RASGEF1C: variants seen among roughly 807,000 people sequenced by gnomAD.
The protein encoded by RASGEF1C is RasGEF domain family member 1C.
RASGEF1C carries 27 observed loss-of-function variants against 58.1 expected under a neutral mutation model. The ratio of observed to expected loss-of-function variants is 0.46; its 90% CI spans 0.34 to 0.64. The LOEUF (loss-of-function observed/expected upper bound fraction) is 0.64. Ranked by LOEUF, RASGEF1C falls within the 30% of genes least tolerant of loss-of-function variation. The probability of loss-of-function intolerance (pLI) is 0.01; values close to 1 mark genes in which losing one functional copy is unlikely to be tolerated. For missense variants in RASGEF1C, 502 were observed against 605.1 expected (o/e 0.83, Z 1.79); for synonymous variants, 243 against 246.3 (o/e 0.99, Z 0.13).
In RASGEF1C at chr5:180,158,027, G is replaced by A. The variant is rs143061386; in HGVS notation, c.-6-19969C>T. Among the ~76,000 whole-genome samples the A allele has an allele frequency of 0.016, 2,411 of 152,290 alleles. 36 individuals carry two copies. The highest frequency in any genetic ancestry group is 0.018 in the Non-Finnish European group (1,191 of 68,024). ...ACATACCATTCTGGTGGGTGACGTC[G>A]ATAATGGGGGAGGCTCTGCATGTGT... On this transcript the variant is annotated intron_variant, in intron 1 of 13. Transcript: ENST00000361132. This position sits in a 1 kb window ranked among gnomAD's most constrained non-coding sequence, Gnocchi z 4.0.
intron 10 of RASGEF1C, among the ~76,000 whole-genome samples, chr5:180,117,873 A>G (rs1304367573): frequency 2.0e-5 from 3 of 152,026 alleles, no homozygotes; most frequent in African/African-American, 4.8e-5. Context: ...ATGTGCCTAT[A>G]ATCCCAGCTA....
intron 1 of RASGEF1C, among the ~76,000 whole-genome samples, chr5:180,190,903 G>A (rs1262482889): frequency 6.6e-6 from 1 of 151,994 alleles, no homozygotes; most frequent in Non-Finnish European, 1.5e-5. Flanking sequence ...GTATTGGGTG[G>A]AAAATTTATA....
chr5:180,111,536 C>G lies in RASGEF1C; in HGVS notation c.1224G>C (p.Trp408Cys), dbSNP rs745910884. Residue 408 changes from tryptophan to cysteine, a missense_variant, in exon 12 of 14, where the codon TGG becomes TGC. By Grantham distance (215) the Trp-to-Cys change is radical. Coordinates refer to ENST00000361132, the MANE Select transcript of RASGEF1C (RefSeq NM_175062.4). ...GCTCGAAGGGACACTCCACTTGTTT[C>G]CAGGTGATGAACTCCCCCACCTGCT... ...LAKQVGEFIT[W>C]KQVECPFEQD... The G allele has an allele frequency of 1.2e-6, 2 of 1,614,010 alleles. No individual in the cohort carries two copies. Among genetic ancestry groups the G allele is most frequent in the Admixed American group, 3.3e-5 (2 of 60,024 alleles).
chr5:180,186,159 A>G (rs769658650), intron 1 of RASGEF1C, among the ~76,000 whole-genome samples: 3 of 151,680 alleles, frequency 2.0e-5, no homozygotes, highest in Non-Finnish European at 4.4e-5. Context: ...GCTATTCAAC[A>G]TTGTACTAGG....
intron 1 of RASGEF1C, among the ~76,000 whole-genome samples, chr5:180,180,716 G>A (rs1767311239): frequency 6.6e-6 from 1 of 152,210 alleles, no homozygotes; most frequent in Non-Finnish European, 1.5e-5. Flanking sequence ...CATGGCTGTG[G>A]TTGTGTTGTT....
chr5:180,196,522 AAAAAAG>A (rs1428526665), intron 1 of RASGEF1C, among the ~76,000 whole-genome samples: 3 of 152,118 alleles, frequency 2.0e-5, no homozygotes, highest in Non-Finnish European at 1.5e-5. Context: ...AAAGAAAAAA[AAAAAAG>A]AAATAGTATT....
chr5:180,169,795 C>T (rs1581117691), intron 1 of RASGEF1C, among the ~76,000 whole-genome samples: 1 of 111,766 alleles, frequency 8.9e-6, no homozygotes, highest in African/African-American at 2.7e-5. Context: ...ACCCCCCGAC[C>T]CCATGGGGCT....
At chr5:180,180,815 C>T (rs920423915) in intron 1 of RASGEF1C, among the ~76,000 whole-genome samples, 1 of 152,230 alleles carries the variant, frequency 6.6e-6, no homozygotes, top group Admixed American at 6.5e-5. Context: ...TGAACCAGGC[C>T]ACCAGCACCC....
At chr5:180,191,747 G>A (rs970310888) in intron 1 of RASGEF1C, among the ~76,000 whole-genome samples, 5 of 152,168 alleles carry the variant, frequency 3.3e-5, no homozygotes, top group African/African-American at 9.7e-5. Context: ...TCTTACTGCC[G>A]TGTAACAAGT....
At chr5:180,181,550 G>A (rs1767326368) in intron 1 of RASGEF1C, among the ~76,000 whole-genome samples, 1 of 152,194 alleles carries the variant, frequency 6.6e-6, no homozygotes, top group Admixed American at 6.5e-5. Context: ...CACACAGGAA[G>A]AGCACCATGT....
chr5:180,163,212 T>G (rs183976061), intron 1 of RASGEF1C, among the ~76,000 whole-genome samples: 20 of 131,374 alleles, frequency 1.5e-4, no homozygotes, highest in Admixed American at 1.2e-3. Context: ...AGGCTTCCCT[T>G]CCTCTCACCA....
In RASGEF1C at chr5:180,101,356, G is replaced by C. The variant is rs992041846; in HGVS notation, c.*145C>G. 19 of 888,842 alleles carry C rather than the reference G, an allele frequency of 2.1e-5. 1 individual carries two copies. In the African/African-American group the frequency reaches 2.5e-4, roughly 12 times the overall value. 55.1% of individuals were successfully genotyped at this position (888,842 alleles called of 1,614,324 possible). ...CTGTGCCCGTATGGCCACTGTGGGGGGGGGGGGGGCGGGCAGCAGGCCACA... is the reference window on the plus strand; with the variant it reads ...CTGTGCCCGTATGGCCACTGTGGGGCGGGGGGGGGCGGGCAGCAGGCCACA... On this transcript the variant is annotated 3_prime_UTR_variant, in exon 14 of 14. Transcript: ENST00000361132.
chr5:180,127,318 C>T (rs1392800271), intron 6 of RASGEF1C, among the ~76,000 whole-genome samples: 1 of 152,178 alleles, frequency 6.6e-6, no homozygotes, highest in East Asian at 1.9e-4. Context: ...AGGGTCCTGG[C>T]CCACCCGAGC....
rs1766885432 is a variant in RASGEF1C at position 180,158,608 on chromosome 5, G to C, written c.-6-20550C>G. ...GTGACCTGTCATGCTGGTTTGCCTGGGACTGTCCTAGTTTTAGTACTGAAA... is the reference window on the plus strand; with the variant it reads ...GTGACCTGTCATGCTGGTTTGCCTGCGACTGTCCTAGTTTTAGTACTGAAA... On this transcript the variant is annotated intron_variant, in intron 1 of 13. Coordinates refer to ENST00000361132, the MANE Select transcript of RASGEF1C (RefSeq NM_175062.4). This position sits in a 1 kb window ranked among gnomAD's most constrained non-coding sequence, Gnocchi z 4.0. Among the ~76,000 whole-genome samples, 1 of 151,980 alleles carries C rather than the reference G, an allele frequency of 6.6e-6. No homozygotes were observed. Among genetic ancestry groups the C allele is most frequent in the Non-Finnish European group, 1.5e-5 (1 of 67,978 alleles).
intron 4 of RASGEF1C, among the ~76,000 whole-genome samples, chr5:180,135,570 G>A (rs1766456639): frequency 6.6e-6 from 1 of 152,220 alleles, no homozygotes; most frequent in African/African-American, 2.4e-5. Flanking sequence ...AACACACCAG[G>A]AGACGTCTAG....
At chr5:180,113,305 C>T (rs1345586940) in intron 11 of RASGEF1C, among the ~76,000 whole-genome samples, 2 of 64,220 alleles carry the variant, frequency 3.1e-5, no homozygotes, top group East Asian at 4.9e-4. Context: ...ACGGAGGGAC[C>T]GGGGATGGAC....
chr5:180,137,524 G>T lies in RASGEF1C; in HGVS notation c.300+66C>A. 1 of 1,567,286 alleles carries T rather than the reference G, an allele frequency of 6.4e-7. No individual in the cohort carries two copies. Among genetic ancestry groups the T allele is most frequent in the African/African-American group, 1.4e-5 (1 of 73,868 alleles). On this transcript the variant is annotated intron_variant, in intron 3 of 13. Coordinates refer to ENST00000361132, the MANE Select transcript of RASGEF1C (RefSeq NM_175062.4). This position sits in a 1 kb window ranked among gnomAD's most constrained non-coding sequence, Gnocchi z 4.1. ...ATCATTGCCTCCCCGAGAGGCTGAT[G>T]CGTTGAGGGCATGGCAGGGCAGTGC...
intron 1 of RASGEF1C, among the ~76,000 whole-genome samples, chr5:180,173,651 C>A (rs4700894): frequency 0.87 from 132,488 of 152,216 alleles, 58,018 homozygotes; most frequent in Non-Finnish European, 0.91. Context: ...ACGGTGGCTC[C>A]CGCCTGTAGT....
intron 12 of RASGEF1C, among the ~76,000 whole-genome samples, chr5:180,107,445 G>A (rs1452140531): frequency 4.6e-5 from 7 of 152,006 alleles, no homozygotes; most frequent in African/African-American, 1.7e-4. Flanking sequence ...CCGTATATAG[G>A]ATTCTGGCTT....
Sources: allele counts gnomAD v4.1 joint callset (sites outside exome capture counted in the v4.1 genomes callset), GRCh38; gene constraint gnomAD v4.1.1; non-coding constraint Gnocchi (gnomAD v3.1); transcripts MANE v1.5; gene names NCBI Gene and HGNC (gene_info 2026-07-23, HGNC 2026-07-21).